The following FSD1L variants were observed in gnomAD, a reference collection of about 807,000 sequenced individuals.
FSD1L encodes the protein FSD1-like protein.
A neutral mutation model predicts 71.6 loss-of-function variants in FSD1L; 45 were observed. The observed-to-expected ratio is 0.63, with a 90% CI of 0.49 to 0.81. The LOEUF (loss-of-function observed/expected upper bound fraction) is 0.81. Among genes scored for constraint, FSD1L ranks in the 30% least tolerant of loss-of-function variants. FSD1L has a pLI of 0.00. For missense variants in FSD1L, 561 were observed against 618.1 expected, an observed-to-expected ratio of 0.91 and a Z score of 0.98; for synonymous variants, 197 against 207.2, an observed-to-expected ratio of 0.95 and a Z score of 0.42.
chr9:105,467,802 A>G (rs1333122774), intron 3 of FSD1L, among the ~76,000 whole-genome samples: 3 of 152,204 alleles, frequency 2.0e-5, no homozygotes. Context: ...TTTTATAAGA[A>G]TACCTCACCA....
intron 1 of FSD1L, among the ~76,000 whole-genome samples, chr9:105,449,326 C>CT (rs1190182262): frequency 6.6e-6 from 1 of 152,146 alleles, no homozygotes; most frequent in African/African-American, 2.4e-5. Flanking sequence ...TGAAACTCAC[C>CT]TTGGAATGCA....
In FSD1L at chr9:105,472,020, C is replaced by T; in HGVS notation, c.441+15C>T. On this transcript the variant is annotated intron_variant, in intron 5 of 13. Transcript: ENST00000481272. ...AATTTTCAAAGGTACACAAAAACTG[C>T]ATTAATACACTTAACAAGGGAAGTT... 3 of 1,411,086 alleles carry T rather than the reference C, an allele frequency of 2.1e-6. No individual in the cohort carries two copies. The highest frequency in any genetic ancestry group is 2.8e-6 in the Non-Finnish European group (3 of 1,076,864). The allele number at this position is 1,411,086 out of a possible 1,614,324, so 87.4% of individuals were successfully genotyped here.
intron 10 of FSD1L, chr9:105,525,879 A>G (rs1479364083): frequency 2.5e-6 from 4 of 1,569,330 alleles, no homozygotes; most frequent in Middle Eastern, 1.7e-4. Context: ...CTACAGTAGA[A>G]GTAATATTTC....
At chr9:105,494,162 T>C (rs1227254690) in intron 7 of FSD1L, among the ~76,000 whole-genome samples, 2 of 152,220 alleles carry the variant, frequency 1.3e-5, no homozygotes, top group Non-Finnish European at 2.9e-5. Flanking sequence ...TTTGGTCTTT[T>C]CACATAGTCC....
intron 10 of FSD1L, chr9:105,522,736 T>G: frequency 1.9e-6 from 3 of 1,605,126 alleles, no homozygotes; most frequent in Non-Finnish European, 2.6e-6. Context: ...AATAGTGATA[T>G]TGGCAGCAGC....
intron 10 of FSD1L, among the ~76,000 whole-genome samples, chr9:105,513,438 A>G (rs1834515829): frequency 1.3e-5 from 2 of 152,302 alleles, no homozygotes; most frequent in Admixed American, 1.3e-4. Context: ...TTCTTTTTTA[A>G]TAGAAGAAAT....
At chr9:105,451,081 TC>T (rs1469712500) in intron 1 of FSD1L, among the ~76,000 whole-genome samples, 13 of 152,150 alleles carry the variant, frequency 8.5e-5, no homozygotes, top group African/African-American at 3.1e-4. Flanking sequence ...TGCCTCAGCC[TC>T]CCGAGTAGCT....
intron 10 of FSD1L, among the ~76,000 whole-genome samples, chr9:105,515,366 A>G (rs1834647948): frequency 6.6e-6 from 1 of 152,228 alleles, no homozygotes; most frequent in African/African-American, 2.4e-5. Flanking sequence ...ATTCTTAGGA[A>G]GAAAGATGTG....
At chr9:105,501,031 T>C (rs1370950441) in intron 7 of FSD1L, among the ~76,000 whole-genome samples, 1 of 152,186 alleles carries the variant, frequency 6.6e-6, no homozygotes, top group East Asian at 1.9e-4. Flanking sequence ...GTAAAGGGAA[T>C]CCATTCATCA....
intron 10 of FSD1L, chr9:105,523,356 C>G (rs933104429): frequency 1.2e-6 from 2 of 1,602,390 alleles, no homozygotes; most frequent in East Asian, 2.2e-5. Context: ...ACCAGATGAT[C>G]TAGAAATTAG....
chr9:105,459,450 A>G (rs1830555187), intron 1 of FSD1L, among the ~76,000 whole-genome samples: 1 of 152,202 alleles, frequency 6.6e-6, no homozygotes, highest in South Asian at 2.1e-4. Flanking sequence ...CTATTTTAGA[A>G]TGCTAAATAT....
Position 105,468,173 on chromosome 9 carries a change from T to C in FSD1L, c.208-20T>C. 2 of 1,359,828 alleles carry C rather than the reference T, an allele frequency of 1.5e-6. No individual in the cohort carries two copies. The highest frequency in any genetic ancestry group is 3.9e-5 in the Admixed American group (1 of 25,330). The allele number at this position is 1,359,828 out of a possible 1,614,324, so 84.2% of individuals were successfully genotyped here. On this transcript the variant is annotated intron_variant, in intron 3 of 13. Coordinates refer to ENST00000481272, the MANE Select transcript of FSD1L (RefSeq NM_001145313.3). ...TTGATAGCGCTTCAGTAAAATTGTT[T>C]TGTTTTGTTTTTTAAACAGGAAAAT...
At position 105,548,985 on chromosome 9, in the gene FSD1L, A is replaced by G. The variant is rs575468760; in HGVS notation, c.*2502A>G. 2.6e-5 allele frequency: 4 copies of G among 152,242 alleles called. No homozygotes were observed. In the South Asian group the frequency reaches 8.3e-4, roughly 32 times the overall value. The allele number at this position is 152,242 out of a possible 1,614,324, so 9.4% of individuals were successfully genotyped here. On this transcript the variant is annotated 3_prime_UTR_variant, in exon 14 of 14. Coordinates refer to ENST00000481272, the MANE Select transcript of FSD1L (RefSeq NM_001145313.3). ...TATAGTGCCTATTTAGTCTCAAAATAAGGTAACTATTAACTTGATTATACT... is the reference window on the plus strand; with the variant it reads ...TATAGTGCCTATTTAGTCTCAAAATGAGGTAACTATTAACTTGATTATACT...
At chr9:105,524,185 A>G in intron 10 of FSD1L, 5 of 1,612,240 alleles carry the variant, frequency 3.1e-6, no homozygotes, top group African/African-American at 1.3e-5. Flanking sequence ...GAGTCTCATC[A>G]TCCTCAAATT....
intron 4 of FSD1L, 119 bp downstream of exon 4, chr9:105,468,443 G>T: frequency 5.7e-6 from 4 of 707,270 alleles, no homozygotes; most frequent in South Asian, 3.1e-5. Context: ...TAGAAGAATG[G>T]TTTTTTGTTT....
At chr9:105,497,528 T>C (rs1425621305) in intron 7 of FSD1L, among the ~76,000 whole-genome samples, 7 of 152,220 alleles carry the variant, frequency 4.6e-5, no homozygotes, top group Admixed American at 4.6e-4. Context: ...TTAGTATCGA[T>C]TCAATTTTTA....
intron 6 of FSD1L, among the ~76,000 whole-genome samples, chr9:105,483,945 A>G (rs2131706352): frequency 6.6e-6 from 1 of 152,282 alleles, no homozygotes; most frequent in South Asian, 2.1e-4. Flanking sequence ...TCTTATTACT[A>G]GGGAGAATAT....
At position 105,486,280 on chromosome 9, in the gene FSD1L, T is replaced by C. The variant is rs552872320; in HGVS notation, c.586+1778T>C. Among the ~76,000 whole-genome samples the C allele has an allele frequency of 5.3e-5, 8 of 152,324 alleles. No individual in the cohort carries two copies. In the South Asian group the frequency reaches 6.2e-4, roughly 12 times the overall value. On this transcript the variant is annotated intron_variant, in intron 7 of 13. Coordinates refer to ENST00000481272, the MANE Select transcript of FSD1L (RefSeq NM_001145313.3). ...GCTCTACTTAAGAGTAAAACTGATA[T>C]TAAAGCAGGAATAAATATTTTTAAA...
chr9:105,522,301 G>A, intron 10 of FSD1L: 1 of 1,613,962 alleles, frequency 6.2e-7, no homozygotes, highest in Non-Finnish European at 8.5e-7. Flanking sequence ...TTGGATCTCA[G>A]TGATTTACCA....
Sources: allele counts gnomAD v4.1 joint callset (sites outside exome capture counted in the v4.1 genomes callset), GRCh38; gene constraint gnomAD v4.1.1; transcripts MANE v1.5; gene names NCBI Gene and HGNC (gene_info 2026-07-23, HGNC 2026-07-21).